NEDD1: variants seen among roughly 807,000 people sequenced by gnomAD.
The protein encoded by NEDD1 is NEDD1 gamma-tubulin ring complex targeting factor.
In NEDD1, 33 loss-of-function variants were observed where a neutral mutation model predicts 74.0. The observed-to-expected ratio is 0.45, with a 90% CI of 0.34 to 0.60. The LOEUF is 0.60. Ranked by LOEUF, NEDD1 falls within the 20% of genes least tolerant of loss-of-function variation. The pLI is 0.01. For synonymous variants in NEDD1, 250 were observed against 264.4 expected, an observed-to-expected ratio of 0.95 and a Z score of 0.53; for missense variants, 746 against 776.5, an observed-to-expected ratio of 0.96 and a Z score of 0.47.
chr12:96,943,906 A>G (rs1877926412), intron 12 of NEDD1, 144 bp downstream of exon 12: 6 of 587,142 alleles, frequency 1.0e-5, no homozygotes, highest in Non-Finnish European at 1.5e-5. Context: ...ACTACAGAAT[A>G]CTTTGAAATC....
In NEDD1 at chr12:96,943,579, G is replaced by A. The variant is rs1179172383; in HGVS notation, c.1314G>A (p.Gln438=). 1.2e-6 allele frequency: 2 copies of A among 1,612,978 alleles called. No homozygotes were observed. Among genetic ancestry groups the A allele is most frequent in the African/African-American group, 1.3e-5 (1 of 74,982 alleles). The change falls in exon 12 of 16, where the codon CAG becomes CAA. Residue 438 remains glutamine, a synonymous_variant. Transcript: ENST00000266742. ...GKGDGFDFLP[Q]LNSVFPPRKN... ...TTCCAGGCTTTGACTTTCTACCGCAGTTGAACTCAGTGTTTCCTCCAAGAA... is the reference window on the plus strand; with the variant it reads ...TTCCAGGCTTTGACTTTCTACCGCAATTGAACTCAGTGTTTCCTCCAAGAA...
At chr12:96,935,498 C>T (rs1565804185) in intron 7 of NEDD1, among the ~76,000 whole-genome samples, 1 of 151,920 alleles carries the variant, frequency 6.6e-6, no homozygotes, top group Non-Finnish European at 1.5e-5. Context: ...TGTTTTTAAC[C>T]CAAATGATTA....
chr12:96,913,825 A>G (rs1874171339), intron 4 of NEDD1, among the ~76,000 whole-genome samples: 1 of 152,116 alleles, frequency 6.6e-6, no homozygotes, highest in Admixed American at 6.6e-5. Flanking sequence ...TTTTAATTTC[A>G]AAGTTTTTCT....
intron 4 of NEDD1, among the ~76,000 whole-genome samples, chr12:96,915,303 A>C (rs1253449612): frequency 1.3e-5 from 2 of 152,338 alleles, no homozygotes; most frequent in Middle Eastern, 3.4e-3. Flanking sequence ...ATGTGGAAGA[A>C]AGACAGTAAG....
intron 10 of NEDD1, 152 bp downstream of exon 10, chr12:96,940,689 G>C (rs1356893153): frequency 2.1e-6 from 1 of 467,900 alleles, no homozygotes; most frequent in Non-Finnish European, 3.8e-6. Flanking sequence ...TCTTTGCCCT[G>C]ATATTTCAAA....
intron 6 of NEDD1, among the ~76,000 whole-genome samples, chr12:96,926,651 A>G (rs561123518): frequency 5.3e-4 from 79 of 149,488 alleles, no homozygotes; most frequent in African/African-American, 1.6e-3. Context: ...ATGAATGTTT[A>G]TTAATTAAAA....
intron 6 of NEDD1, among the ~76,000 whole-genome samples, chr12:96,925,767 A>C (rs549105224): frequency 7.3e-4 from 111 of 152,346 alleles, no homozygotes; most frequent in African/African-American, 2.6e-3. Flanking sequence ...TTAGTTTAGG[A>C]AAACAGTAAT....
At chr12:96,932,463 A>AAAAAATATATATATATATATATAT in intron 6 of NEDD1, among the ~76,000 whole-genome samples, 1 of 9,438 alleles carries the variant, frequency 1.1e-4, no homozygotes, top group African/African-American at 3.4e-4. Context: ...AAAAAAAAAA[A>AAAAAATATATATATATATATATAT]ATATATATAT....
chr12:96,938,829 TCTCTCTCACA>T (rs1201698775), intron 9 of NEDD1, among the ~76,000 whole-genome samples: 1 of 45,380 alleles, frequency 2.2e-5, no homozygotes, highest in Non-Finnish European at 5.0e-5. Flanking sequence ...ATTCTCTCTC[TCTCTCTCACA>T]CACACACACA....
intron 4 of NEDD1, among the ~76,000 whole-genome samples, chr12:96,917,398 A>G (rs1196156731): frequency 6.6e-6 from 1 of 152,144 alleles, no homozygotes; most frequent in Non-Finnish European, 1.5e-5. Context: ...AGTGAATGCA[A>G]ATCTATTTGA....
At position 96,919,996 on chromosome 12, in the gene NEDD1, TC is replaced by T; in HGVS notation, c.361del (p.Gln121LysfsTer2). 6.2e-7 allele frequency: 1 copy of T among 1,606,432 alleles called. No individual in the cohort carries two copies. Among genetic ancestry groups the T allele is most frequent in the Non-Finnish European group, 8.5e-7 (1 of 1,174,594 alleles). On this transcript the variant is annotated frameshift_variant, in exon 6 of 16. Coordinates refer to ENST00000266742, the MANE Select transcript of NEDD1 (RefSeq NM_152905.4). LOFTEE classifies it high-confidence loss of function. ...VHRSLKDHKD[Q>X]VTCVTYNWND... ...TTTCTCTCTTTCAGGATCATAAAGA[TC>T]AAGTAACTTGTGTAACATACAATTG...
intron 6 of NEDD1, among the ~76,000 whole-genome samples, chr12:96,933,529 T>G (rs1029199213): frequency 6.6e-6 from 1 of 152,144 alleles, no homozygotes; most frequent in African/African-American, 2.4e-5. Context: ...TGGATATACT[T>G]TTTCCCAACA....
chr12:96,944,784 C>A lies in NEDD1; in HGVS notation c.1643C>A (p.Ser548Tyr). Reference protein sequence around the residue: ...QLICEPPINGSSTPNPKIASS... With the variant: ...QLICEPPINGYSTPNPKIASS... ...ATATGTGAACCCCCAATCAATGGAT[C>A]CTCAACTCCAAGTAAGTACATGAAA... The change falls in exon 13 of 16, where the codon TCC (serine) becomes TAC (tyrosine). Residue 548 changes from serine (S) to tyrosine (Y), a missense_variant. Around this residue, in one of 3 missense-constraint regions of NEDD1, gnomAD observed 706 missense variants for 706.7 expected, o/e 1.00. Transcript: ENST00000266742. 6.4e-7 allele frequency: 1 copy of A among 1,553,630 alleles called. No homozygotes were observed. Among genetic ancestry groups the A allele is most frequent in the African/African-American group, 1.4e-5 (1 of 71,264 alleles).
chr12:96,944,904 A>C lies in NEDD1; in HGVS notation c.1654+109A>C, dbSNP rs566421074. On this transcript the variant is annotated intron_variant, in intron 13 of 15. Transcript: ENST00000266742. ...GTAATCATAGACTAAAAATGTTCAA[A>C]GAGTTTAAAGTTTGTGGACACTTCT... The C allele has an allele frequency of 2.1e-4, 166 of 809,626 alleles. No individual in the cohort carries two copies. The African/African-American group carries it at 2.2e-3, about 11-fold the overall frequency. The allele number at this position is 809,626 out of a possible 1,614,324, so 50.2% of individuals were successfully genotyped here.
chr12:96,929,556 TACACACAC>T (rs71078436), intron 6 of NEDD1, among the ~76,000 whole-genome samples: 3,790 of 127,742 alleles, frequency 0.03, 176 homozygotes, highest in African/African-American at 0.1. Context: ...TTTTCATGTA[TACACACAC>T]ACACACACAC....
intron 11 of NEDD1, 84 bp from the exon 12 acceptor site, chr12:96,943,476 A>T: frequency 1.2e-6 from 1 of 850,264 alleles, no homozygotes; most frequent in Non-Finnish European, 1.9e-6. Flanking sequence ...CTTCCATGTT[A>T]ATCTGCCTAT....
chr12:96,920,948 G>A (rs1875013017), intron 6 of NEDD1, among the ~76,000 whole-genome samples: 1 of 152,044 alleles, frequency 6.6e-6, no homozygotes, highest in Admixed American at 6.6e-5. Flanking sequence ...ATATATATTG[G>A]GGAATAATAC....
At chr12:96,926,077 A>G (rs1875660353) in intron 6 of NEDD1, among the ~76,000 whole-genome samples, 1 of 152,098 alleles carries the variant, frequency 6.6e-6, no homozygotes, top group East Asian at 1.9e-4. Flanking sequence ...TGTTTATCAC[A>G]TTGCCTACCA....
At chr12:96,939,263 T>G (rs1877427384) in intron 9 of NEDD1, among the ~76,000 whole-genome samples, 1 of 151,964 alleles carries the variant, frequency 6.6e-6, no homozygotes, top group South Asian at 2.1e-4. Context: ...GAATAAGACT[T>G]TAGCGCTGTT....
Sources: gnomAD v4.1 joint callset for allele counts (sites outside exome capture counted in the v4.1 genomes callset) on GRCh38, gnomAD v4.1.1 for gene constraint, gnomAD v4.1.1 regional missense constraint, MANE v1.5 for transcripts, NCBI Gene and HGNC (gene_info 2026-07-23, HGNC 2026-07-21) for gene names.